NCOA4: variants seen among roughly 807,000 people sequenced by gnomAD.
NCOA4 encodes 70 kDa AR-activator.
NCOA4 carries 31 observed loss-of-function variants against 69.5 expected under a neutral mutation model. The ratio of observed to expected loss-of-function variants is 0.45; its 90% CI spans 0.34 to 0.60. The LOEUF (loss-of-function observed/expected upper bound fraction) is 0.60. Among genes scored for constraint, NCOA4 ranks in the 20% least tolerant of loss-of-function variants. The pLI is 0.02. For synonymous variants in NCOA4, 228 were observed against 252.4 expected, an observed-to-expected ratio of 0.90 and a Z score of 0.92; for missense variants, 600 against 719.2, an observed-to-expected ratio of 0.83 and a Z score of 1.90.
rs1435846892 is a variant in NCOA4, at chr10:46,006,248, AAG to A, written c.*342_*343del. 1.4e-5 allele frequency: 5 copies of A among 347,842 alleles called. No homozygotes were observed. The highest frequency in any genetic ancestry group is 2.7e-5 in the Non-Finnish European group (5 of 186,640). 21.5% of individuals were successfully genotyped at this position (347,842 alleles called of 1,614,324 possible). ...AATACATCAATATACTTCGATAAACAAGAGTGTTTTAATGTACTTTTAGTAAC... is the reference window on the plus strand; with the variant it reads ...AATACATCAATATACTTCGATAAACAAGTGTTTTAATGTACTTTTAGTAAC... On this transcript the variant is annotated 3_prime_UTR_variant, in exon 10 of 10. Coordinates refer to ENST00000581486, the MANE Select transcript of NCOA4 (RefSeq NM_001145263.2).
At position 46,005,630 on chromosome 10, in the gene NCOA4, C is replaced by G. The variant is rs1403253874; in HGVS notation, c.*962G>C. Reference sequence around the variant, plus strand: ...GCACAAGTGTTGAAAACGGCCTGTTCACTAAAACGTCACTTTTGGAGGTAC... The same window carrying G: ...GCACAAGTGTTGAAAACGGCCTGTTGACTAAAACGTCACTTTTGGAGGTAC... On this transcript the variant is annotated 3_prime_UTR_variant, in exon 10 of 10. Coordinates refer to ENST00000581486, the MANE Select transcript of NCOA4 (RefSeq NM_001145263.2). 1 of 219,668 alleles carries G rather than the reference C, an allele frequency of 4.6e-6. No homozygotes were observed. The highest frequency in any genetic ancestry group is 1.9e-4 in the South Asian group (1 of 5,400). The allele number at this position is 219,668 out of a possible 1,614,324, so 13.6% of individuals were successfully genotyped here. A position where few individuals can be genotyped will look rare whatever the true frequency, so the allele number is the denominator to read the frequency against.
At position 46,012,863 on chromosome 10, in the gene NCOA4, CAATA is replaced by C. The variant is rs782085463; in HGVS notation, c.714+16_714+19del. 9 of 1,613,088 alleles carry C rather than the reference CAATA, an allele frequency of 5.6e-6. No individual in the cohort carries two copies. In the African/African-American group the frequency reaches 1.1e-4, roughly 19 times the overall value. On this transcript the variant is annotated intron_variant, in intron 7 of 9. Transcript: ENST00000581486. Reference sequence around the variant, plus strand: ...CCTACTGCTGTGTCTACTGTAGAAACAATAAAAGCAGCAACAGACCTGACTGTTC... The same window carrying C: ...CCTACTGCTGTGTCTACTGTAGAAACAAAGCAGCAACAGACCTGACTGTTC...
chr10:46,012,794 A>C, intron 7 of NCOA4, 89 bp downstream of exon 7: 1 of 1,335,600 alleles, frequency 7.5e-7, no homozygotes, highest in Non-Finnish European at 9.8e-7. Flanking sequence ...GCAACCAAAA[A>C]GTTAACAATG....
chr10:46,019,919 G>GC (rs1839777971), intron 1 of NCOA4, among the ~76,000 whole-genome samples: 1 of 152,238 alleles, frequency 6.6e-6, no homozygotes, highest in Admixed American at 6.5e-5. Context: ...TTGCCCCTTT[G>GC]CTGCCTTTGG....
chr10:46,014,745 G>T, intron 4 of NCOA4, 109 bp downstream of exon 4: 1 of 900,716 alleles, frequency 1.1e-6, no homozygotes, highest in Non-Finnish European at 1.7e-6. Flanking sequence ...TCTTATCCTA[G>T]CAACACAGAA....
chr10:46,022,568 C>T (rs1554924677), intron 1 of NCOA4: 11 of 411,170 alleles, frequency 2.7e-5, no homozygotes, highest in South Asian at 2.0e-4. Context: ...TCATACCATT[C>T]TCCTGTCTCA....
intron 1 of NCOA4, among the ~76,000 whole-genome samples, chr10:46,020,839 C>G (rs1839825368): frequency 6.6e-6 from 1 of 152,142 alleles, no homozygotes; most frequent in African/African-American, 2.4e-5. Flanking sequence ...GTCTTTTTAT[C>G]TTCACCATTA....
At chr10:46,015,399 T>A in intron 2 of NCOA4, 133 bp from the exon 3 acceptor site, 1 of 723,686 alleles carries the variant, frequency 1.4e-6, no homozygotes. Flanking sequence ...AATTATCCAA[T>A]GACATCTATG....
intron 1 of NCOA4, among the ~76,000 whole-genome samples, chr10:46,021,060 T>C (rs943390399): frequency 1.1e-4 from 17 of 152,202 alleles, no homozygotes; most frequent in African/African-American, 2.9e-4. Context: ...CAAGGAATTC[T>C]TTAAACTATA....
chr10:46,013,349 T>A (rs80249940), intron 6 of NCOA4, among the ~76,000 whole-genome samples: 1 of 152,232 alleles, frequency 6.6e-6, no homozygotes, highest in African/African-American at 2.4e-5. Context: ...TGATAATTAC[T>A]TTTTCTGTTA....
intron 4 of NCOA4, 129 bp from the exon 5 acceptor site, chr10:46,014,681 G>C: frequency 1.3e-6 from 1 of 789,848 alleles, no homozygotes; most frequent in Non-Finnish European, 2.0e-6. Context: ...ACCAAAGATA[G>C]ATGGCTTATT....
intron 4 of NCOA4, 137 bp from the exon 5 acceptor site, chr10:46,014,689 A>T: frequency 1.3e-6 from 1 of 773,020 alleles, no homozygotes; most frequent in Non-Finnish European, 2.1e-6. Context: ...TAGATGGCTT[A>T]TTCATGTATC....
intron 7 of NCOA4, among the ~76,000 whole-genome samples, chr10:46,012,313 A>G (rs1231428402): frequency 9.9e-5 from 15 of 152,272 alleles, no homozygotes; most frequent in African/African-American, 3.4e-4. Context: ...CAAAGTCTTA[A>G]AGCGTAAGCA....
chr10:46,022,692 C>A (rs782554371), intron 1 of NCOA4, among the ~76,000 whole-genome samples: 5 of 152,110 alleles, frequency 3.3e-5, no homozygotes, highest in Non-Finnish European at 7.4e-5. Context: ...GTCTCGATCT[C>A]CTGACCTCGT....
chr10:46,018,854 T>C (rs1279279678), intron 1 of NCOA4, among the ~76,000 whole-genome samples: 2 of 152,152 alleles, frequency 1.3e-5, no homozygotes, highest in African/African-American at 4.8e-5. Context: ...TGACTGCCCA[T>C]TTCAGACAAA....
intron 9 of NCOA4, chr10:46,009,074 CTCTT>C: frequency 1.7e-6 from 2 of 1,202,620 alleles, no homozygotes; most frequent in Admixed American, 4.4e-5. Flanking sequence ...TTGTGTAGCT[CTCTT>C]TATTGGGATA....
chr10:46,027,635 C>G, intron 1 of NCOA4: 1 of 675,232 alleles, frequency 1.5e-6, no homozygotes, highest in South Asian at 2.0e-5. Flanking sequence ...ACAGTTCTTC[C>G]ATGAAACTGA....
Position 46,015,282 on chromosome 10 carries a change from A to T in NCOA4, c.142-16T>A, listed in dbSNP as rs1261827418. 1.4e-6 allele frequency: 2 copies of T among 1,433,098 alleles called. No homozygotes were observed. The highest frequency in any genetic ancestry group is 3.1e-5 in the African/African-American group (2 of 65,056). The allele number at this position is 1,433,098 out of a possible 1,614,324, so 88.8% of individuals were successfully genotyped here. A position where few individuals can be genotyped will look rare whatever the true frequency, so the allele number is the denominator to read the frequency against. ...GAGCTTTGACCTAGGAAACACATAC[A>T]TGTTAGCTTCCTAGTGTTAATCCCA... is the stretch of plus-strand genomic sequence containing the variant. On this transcript the variant is annotated splice_polypyrimidine_tract_variant and intron_variant, in intron 2 of 9. Transcript: ENST00000581486.
chr10:46,008,736 A>G (rs1471441716), intron 9 of NCOA4, among the ~76,000 whole-genome samples: 1 of 151,632 alleles, frequency 6.6e-6, no homozygotes, highest in Admixed American at 6.5e-5. Flanking sequence ...GCTATCACAC[A>G]GCATCACATG....
Sources: gnomAD v4.1 joint callset for allele counts (sites outside exome capture counted in the v4.1 genomes callset) on GRCh38, gnomAD v4.1.1 for gene constraint, MANE v1.5 for transcripts, NCBI Gene and HGNC (gene_info 2026-07-23, HGNC 2026-07-21) for gene names.